The following DENND5B variants were observed in gnomAD, a reference collection of about 807,000 sequenced individuals.
DENND5B encodes the protein DENN domain-containing protein 5B.
A neutral mutation model predicts 140.6 loss-of-function variants in DENND5B; 34 were observed. That is an observed-to-expected ratio of 0.24 (90% confidence interval 0.18 to 0.32). The LOEUF is 0.32. Among genes scored for constraint, DENND5B ranks in the 10% least tolerant of loss-of-function variants. DENND5B has a pLI of 1.00. For synonymous variants in DENND5B, 551 were observed against 562.1 expected, an observed-to-expected ratio of 0.98 and a Z score of 0.28; for missense variants, 1,142 against 1,560.2, an observed-to-expected ratio of 0.73 and a Z score of 4.52.
chr12:31,589,543 C>T (rs1372580061), intron 1 of DENND5B, among the ~76,000 whole-genome samples: 1 of 152,072 alleles, frequency 6.6e-6, no homozygotes, highest in Non-Finnish European at 1.5e-5. Context: ...TATTTTAAGG[C>T]TGAACAGTTT....
intron 10 of DENND5B, 61 bp downstream of exon 10, chr12:31,424,474 G>A: frequency 6.7e-7 from 1 of 1,488,428 alleles, no homozygotes; most frequent in Non-Finnish European, 9.0e-7. Flanking sequence ...TTGTCTCCTT[G>A]TTACATTTCT....
chr12:31,541,735 G>A (rs985600909), intron 1 of DENND5B, among the ~76,000 whole-genome samples: 5 of 152,160 alleles, frequency 3.3e-5, no homozygotes, highest in Admixed American at 2.0e-4. Flanking sequence ...ATATCGAAGC[G>A]ATATCTGCAC....
chr12:31,435,939 G>A (rs966927065), intron 7 of DENND5B, among the ~76,000 whole-genome samples: 2 of 152,076 alleles, frequency 1.3e-5, no homozygotes, highest in African/African-American at 4.8e-5. Flanking sequence ...TGGGATTACA[G>A]GTGCAAGCCA....
chr12:31,419,055 G>A (rs1942900321), intron 11 of DENND5B, among the ~76,000 whole-genome samples: 1 of 152,132 alleles, frequency 6.6e-6, no homozygotes, highest in African/African-American at 2.4e-5. Context: ...GTGAGCAGAG[G>A]GCAAATTAGG....
chr12:31,479,892 T>C lies in DENND5B; in HGVS notation c.601A>G (p.Met201Val). 1 of 1,613,950 alleles carries C rather than the reference T, an allele frequency of 6.2e-7. No individual in the cohort carries two copies. The highest frequency in any genetic ancestry group is 8.5e-7 in the Non-Finnish European group (1 of 1,179,832). ...ATAAGGAATTTCTTGCAGGCCTGCA[T>C]GAATGGTAACGGTGTGATCAAGCAT... The part of the protein sequence containing the change: ...SICLITPLPF[M>V]QACKKFLIQL... The change falls in exon 3 of 21, where the codon ATG becomes GTG. Residue 201 changes from methionine to valine, a missense_variant. By Grantham distance (21) the Met-to-Val change is conservative (BLOSUM62 1). Coordinates refer to ENST00000389082, the MANE Select transcript of DENND5B (RefSeq NM_144973.4).
rs561117383 is a variant in DENND5B at position 31,493,837 on chromosome 12, A to G, written c.237+1973T>C. 1.1e-4 allele frequency among the ~76,000 whole-genome samples: 17 copies of G among 152,332 alleles called. No individual in the cohort carries two copies. In the South Asian group the frequency reaches 3.3e-3, roughly 30 times the overall value. Reference sequence around the variant, plus strand: ...CAGAGCGAGACTATCTCAAAAACAAAAACAAAAACCAAACAAAACAACTCA... The same window carrying G: ...CAGAGCGAGACTATCTCAAAAACAAGAACAAAAACCAAACAAAACAACTCA... On this transcript the variant is annotated intron_variant, in intron 2 of 20. Transcript: ENST00000389082.
intron 1 of DENND5B, among the ~76,000 whole-genome samples, chr12:31,589,134 C>T (rs991356957): frequency 6.6e-6 from 1 of 152,164 alleles, no homozygotes; most frequent in Non-Finnish European, 1.5e-5. Flanking sequence ...CATTAGTCAT[C>T]ACTGACAGAA....
At chr12:31,432,236 T>C (rs575266026) in intron 8 of DENND5B, 5 of 436,126 alleles carry the variant, frequency 1.1e-5, no homozygotes, top group Admixed American at 6.6e-5. Context: ...CAAGCATGCA[T>C]ATGATAAAAT....
At chr12:31,504,601 C>T (rs1415742006) in intron 1 of DENND5B, among the ~76,000 whole-genome samples, 1 of 152,148 alleles carries the variant, frequency 6.6e-6, no homozygotes, top group Non-Finnish European at 1.5e-5. Flanking sequence ...ACTCACTCTC[C>T]TCCCTAAACC....
chr12:31,509,088 C>G (rs1056947419), intron 1 of DENND5B, among the ~76,000 whole-genome samples: 19 of 152,240 alleles, frequency 1.2e-4, no homozygotes, highest in African/African-American at 4.1e-4. Context: ...AGTCTTCCTT[C>G]CTCCCTCCAT....
At chr12:31,410,823 TTTTA>T (rs1249674161) in intron 13 of DENND5B, among the ~76,000 whole-genome samples, 9 of 152,172 alleles carry the variant, frequency 5.9e-5, no homozygotes, top group Non-Finnish European at 1.0e-4. Flanking sequence ...AGACTTCAGA[TTTTA>T]AACTCTTCTG....
At chr12:31,404,328 G>GA (rs1251731514) in intron 14 of DENND5B, among the ~76,000 whole-genome samples, 3 of 152,166 alleles carry the variant, frequency 2.0e-5, no homozygotes, top group Admixed American at 2.0e-4. Context: ...ACAGGATGTA[G>GA]CTCTGTCGCC....
intron 1 of DENND5B, among the ~76,000 whole-genome samples, chr12:31,529,010 A>G (rs1334424046): frequency 1.3e-5 from 2 of 151,872 alleles, no homozygotes; most frequent in Non-Finnish European, 2.9e-5. Flanking sequence ...AAAAACACAA[A>G]AATTAGCTGG....
At chr12:31,548,409 A>AAG (rs72514174) in intron 1 of DENND5B, among the ~76,000 whole-genome samples, 83,793 of 149,160 alleles carry the variant, frequency 0.56, 23,759 homozygotes, top group East Asian at 0.82. Flanking sequence ...AAAGAAGAAG[A>AAG]AAAAAAAAAG....
chr12:31,569,060 C>T (rs917886973), intron 1 of DENND5B, among the ~76,000 whole-genome samples: 9 of 93,164 alleles, frequency 9.7e-5, no homozygotes, highest in Non-Finnish European at 1.4e-4. Flanking sequence ...AGCAACATAC[C>T]TTTTTTTTTT....
chr12:31,476,120 C>T (rs372139111), intron 3 of DENND5B, among the ~76,000 whole-genome samples: 4 of 149,932 alleles, frequency 2.7e-5, no homozygotes, highest in African/African-American at 9.8e-5. Context: ...AGCAAGACTC[C>T]GTCTCAATAA....
chr12:31,468,871 G>A (rs1389103576), intron 3 of DENND5B, among the ~76,000 whole-genome samples: 7 of 152,052 alleles, frequency 4.6e-5, no homozygotes, highest in Admixed American at 2.0e-4. Flanking sequence ...AAAAATAATT[G>A]GGGGAAAAAG....
At chr12:31,403,349 G>A (rs1364582426) in intron 14 of DENND5B, among the ~76,000 whole-genome samples, 7 of 151,804 alleles carry the variant, frequency 4.6e-5, no homozygotes, top group Non-Finnish European at 7.4e-5. Flanking sequence ...GTGGAAGCAC[G>A]AGAGGTTAGA....
At chr12:31,429,457 G>T (rs1391783510) in intron 8 of DENND5B, among the ~76,000 whole-genome samples, 2 of 152,196 alleles carry the variant, frequency 1.3e-5, no homozygotes, top group African/African-American at 4.8e-5. Flanking sequence ...CACCCAGGCT[G>T]GAGTGCAGTG....
Sources: allele counts gnomAD v4.1 joint callset (sites outside exome capture counted in the v4.1 genomes callset), GRCh38; gene constraint gnomAD v4.1.1; transcripts MANE v1.5; gene names NCBI Gene and HGNC (gene_info 2026-07-23, HGNC 2026-07-21).